Variants in PIERCE2 observed in about 807,000 individuals in gnomAD.
The protein encoded by PIERCE2 is piercer of microtubule wall 2.
At chr15:55,409,368 G>A in the PIERCE2 span, among the ~76,000 whole-genome samples, 2,330 of 151,618 alleles carry the variant, frequency 0.015, 26 homozygotes, top group Non-Finnish European at 0.023. Flanking sequence ...TTGCGCCACT[G>A]AACTGCAGCC....
At chr15:55,413,222 C>G in the PIERCE2 span, among the ~76,000 whole-genome samples, 1 of 150,556 alleles carries the variant, frequency 6.6e-6, no homozygotes, top group Non-Finnish European at 1.5e-5. Context: ...GAGCCAAGAT[C>G]GCGCCACTGC....
At chr15:55,410,689 G>C in the PIERCE2 span, 5 of 152,196 alleles carry the variant, frequency 3.3e-5, no homozygotes, top group African/African-American at 9.7e-5. Flanking sequence ...AGTGACTGAA[G>C]GAGATAGTAT....
chr15:55,414,863 G>GTCTC, the PIERCE2 span, among the ~76,000 whole-genome samples: 1 of 151,926 alleles, frequency 6.6e-6, no homozygotes, highest in East Asian at 2.0e-4. Context: ...GGGCAACAGA[G>GTCTC]TGAGACTCCA....
At chr15:55,411,952 G>A in the PIERCE2 span, among the ~76,000 whole-genome samples, 7 of 151,796 alleles carry the variant, frequency 4.6e-5, no homozygotes, top group African/African-American at 1.5e-4. Flanking sequence ...TTAGCTGAGC[G>A]TGGTGGCGCA....
chr15:55,418,317 G>A, the PIERCE2 span: 16 of 1,545,552 alleles, frequency 1.0e-5, no homozygotes, highest in African/African-American at 2.1e-4. Flanking sequence ...GTGTTTTCAT[G>A]TATGTTGGAT....
At chr15:55,410,524 CT>C in the PIERCE2 span, 1 of 152,256 alleles carries the variant, frequency 6.6e-6, no homozygotes, top group African/African-American at 2.4e-5. Context: ...TGACGCATGC[CT>C]ATAATCCCAG....
chr15:55,418,657 T>TA, the PIERCE2 span: 6 of 939,264 alleles, frequency 6.4e-6, no homozygotes, highest in Non-Finnish European at 9.0e-6. Context: ...ATAAAGAAGA[T>TA]AAAAAGTTTT....
the PIERCE2 span, chr15:55,408,723 G>T: frequency 6.9e-7 from 1 of 1,448,880 alleles, no homozygotes; most frequent in African/African-American, 1.4e-5. Flanking sequence ...GCCATCTGCT[G>T]CATGAAAACT....
the PIERCE2 span, among the ~76,000 whole-genome samples, chr15:55,415,490 A>C: frequency 6.6e-6 from 1 of 150,742 alleles, no homozygotes; most frequent in Non-Finnish European, 1.5e-5. Context: ...AAGGGAAGGA[A>C]GGGCTTTATT....
chr15:55,410,535 G>C, the PIERCE2 span: 1 of 152,310 alleles, frequency 6.6e-6, no homozygotes, highest in Non-Finnish European at 1.5e-5. Context: ...TATAATCCCA[G>C]CTACTCGGGT....
At chr15:55,412,789 A>G in the PIERCE2 span, among the ~76,000 whole-genome samples, 47 of 151,916 alleles carry the variant, frequency 3.1e-4, no homozygotes, top group Non-Finnish European at 5.3e-4. Context: ...AAAAAAAAGA[A>G]AAAGTTGATG....
chr15:55,417,588 C>T, the PIERCE2 span: 1 of 152,198 alleles, frequency 6.6e-6, no homozygotes, highest in African/African-American at 2.4e-5. Flanking sequence ...ATGACTTTTA[C>T]AGATTTTTCC....
At chr15:55,415,944 G>C in the PIERCE2 span, among the ~76,000 whole-genome samples, 3 of 152,026 alleles carry the variant, frequency 2.0e-5, no homozygotes, top group East Asian at 5.8e-4. Context: ...ATCTAAATCA[G>C]TACACATTTC....
chr15:55,416,825 G>A, the PIERCE2 span, among the ~76,000 whole-genome samples: 16 of 152,180 alleles, frequency 1.1e-4, no homozygotes, highest in Admixed American at 2.6e-4. Context: ...GCTGGTTGTC[G>A]TGGTGAGCTC....
the PIERCE2 span, chr15:55,418,660 A>C: frequency 1.1e-6 from 1 of 911,118 alleles, no homozygotes; most frequent in Non-Finnish European, 1.6e-6. Flanking sequence ...AAGAAGATAA[A>C]AAGTTTTGAA....
At chr15:55,414,456 C>A in the PIERCE2 span, among the ~76,000 whole-genome samples, 22 of 152,014 alleles carry the variant, frequency 1.4e-4, no homozygotes, top group South Asian at 2.9e-3. Context: ...GGTGATCCAC[C>A]GCACTCGGCC....
the PIERCE2 span, among the ~76,000 whole-genome samples, chr15:55,413,881 T>C: frequency 2.6e-5 from 4 of 151,406 alleles, no homozygotes; most frequent in Admixed American, 1.3e-4. Flanking sequence ...TGAGTAGATA[T>C]AAGATATTAC....
chr15:55,411,703 C>T, the PIERCE2 span, among the ~76,000 whole-genome samples: 1 of 152,040 alleles, frequency 6.6e-6, no homozygotes, highest in Non-Finnish European at 1.5e-5. Context: ...GGGCGGATCA[C>T]CTGAGGTTGG....
chr15:55,417,365 C>T, the PIERCE2 span, among the ~76,000 whole-genome samples: 1 of 152,238 alleles, frequency 6.6e-6, no homozygotes, highest in Admixed American at 6.5e-5. Context: ...AGTGGAATGG[C>T]TTTCCCTAAC....
Sources: allele counts gnomAD v4.1 joint callset (sites outside exome capture counted in the v4.1 genomes callset), GRCh38; gene constraint gnomAD v4.1.1; transcripts MANE v1.5; gene names NCBI Gene and HGNC (gene_info 2026-07-23, HGNC 2026-07-21).